TRDN: variants seen among roughly 807,000 people sequenced by gnomAD.
The protein encoded by TRDN is triadin, also known as triadin in skeletal muscle.
In TRDN, 161 loss-of-function variants were observed where a neutral mutation model predicts 149.7. The ratio of observed to expected loss-of-function variants is 1.08; its 90% CI spans 0.95 to 1.23. The LOEUF (loss-of-function observed/expected upper bound fraction) is 1.23, where lower values mean the gene tolerates loss of function less well. Among genes scored for constraint, TRDN ranks in the 50% most tolerant of loss-of-function variants. The pLI, the probability that TRDN is intolerant of heterozygous loss-of-function variation, is 0.00. For synonymous variants in TRDN, 294 were observed against 250.5 expected (o/e 1.17, Z -1.64); for missense variants, 896 against 823.5 (o/e 1.09, Z -1.08).
intron 7 of TRDN, among the ~76,000 whole-genome samples, chr6:123,508,356 A>T (rs1029576719): frequency 2.0e-5 from 3 of 152,212 alleles, no homozygotes; most frequent in African/African-American, 7.2e-5. Context: ...TAAAAAGATG[A>T]TACAAAAACT....
chr6:123,406,600 GAA>G (rs1773201117), intron 12 of TRDN, among the ~76,000 whole-genome samples: 1 of 151,780 alleles, frequency 6.6e-6, no homozygotes, highest in African/African-American at 2.4e-5. Flanking sequence ...TATATAAAAT[GAA>G]AAGCCAATAT....
In TRDN at chr6:123,266,578, G is replaced by A. The variant is rs183210313; in HGVS notation, c.1783+1129C>T. Among the ~76,000 whole-genome samples the A allele has an allele frequency of 3.1e-4, 19 of 61,510 alleles. 1 individual carries two copies. The highest frequency in any genetic ancestry group is 1.5e-4 in the Non-Finnish European group (6 of 39,870). The allele number at this position is 61,510 out of a possible 152,430, so 40.4% of individuals were successfully genotyped here. A position where few individuals can be genotyped will look rare whatever the true frequency, so the allele number is the denominator to read the frequency against. The stretch of plus-strand genomic sequence containing the variant: ...ATATATAATATATATATTATAATAT[G>A]TATTATATATAATATATATATTATA... On this transcript the variant is annotated intron_variant, in intron 32 of 40. Transcript: ENST00000334268.
intron 18 of TRDN, 132 bp downstream of exon 18, chr6:123,377,584 T>C (rs1781556387): frequency 1.9e-6 from 2 of 1,052,816 alleles, no homozygotes; most frequent in Non-Finnish European, 1.4e-6. Context: ...TGTCAAGAAC[T>C]TGGAAAAAAC....
chr6:123,557,147 C>T (rs1233026895), intron 2 of TRDN, among the ~76,000 whole-genome samples: 18 of 151,982 alleles, frequency 1.2e-4, no homozygotes, highest in Non-Finnish European at 1.3e-4. Context: ...CCCCATCTCC[C>T]TTCACTGACT....
At chr6:123,323,236 G>A (rs1779323855) in intron 23 of TRDN, among the ~76,000 whole-genome samples, 1 of 152,090 alleles carries the variant, frequency 6.6e-6, no homozygotes, top group African/African-American at 2.4e-5. Context: ...GAACCCTGGT[G>A]TGCATTATCT....
intron 23 of TRDN, among the ~76,000 whole-genome samples, chr6:123,326,568 C>T (rs554985059): frequency 3.3e-5 from 5 of 150,812 alleles, no homozygotes; most frequent in African/African-American, 1.2e-4. Context: ...TAGACATACA[C>T]CTACTATTAA....
chr6:123,497,155 C>T, intron 9 of TRDN, 38 bp downstream of exon 9: 1 of 1,461,818 alleles, frequency 6.8e-7, no homozygotes, highest in Non-Finnish European at 9.1e-7. Context: ...GAAACAAAGA[C>T]TATTAAAACA....
At chr6:123,236,856 A>G (rs1775806777) in intron 38 of TRDN, among the ~76,000 whole-genome samples, 1 of 150,900 alleles carries the variant, frequency 6.6e-6, no homozygotes, top group South Asian at 2.1e-4. Context: ...AGTAACATTT[A>G]AAATTAGGTA....
intron 12 of TRDN, among the ~76,000 whole-genome samples, chr6:123,430,095 C>T (rs910922072): frequency 5.3e-5 from 8 of 152,070 alleles, no homozygotes; most frequent in African/African-American, 1.7e-4. Flanking sequence ...CACAGTGAGA[C>T]CTCACCTCTA....
intron 1 of TRDN, among the ~76,000 whole-genome samples, chr6:123,585,703 T>C (rs60854706): frequency 0.29 from 43,560 of 151,854 alleles, 6,806 homozygotes; most frequent in East Asian, 0.54. Context: ...GGAGGAATCC[T>C]GGGCTGCAGG....
chr6:123,341,887 C>T (rs571559183), intron 21 of TRDN, among the ~76,000 whole-genome samples: 5 of 152,098 alleles, frequency 3.3e-5, no homozygotes, highest in African/African-American at 1.2e-4. Flanking sequence ...TGTGAAATAA[C>T]AGCCTTATGC....
At chr6:123,237,038 G>A (rs567203094) in intron 38 of TRDN, among the ~76,000 whole-genome samples, 1 of 152,020 alleles carries the variant, frequency 6.6e-6, no homozygotes, top group South Asian at 2.1e-4. Context: ...TATGAATATG[G>A]TATAGCTCTA....
intron 10 of TRDN, among the ~76,000 whole-genome samples, chr6:123,446,541 T>C (rs140776703): frequency 0.16 from 21,518 of 136,562 alleles, 2,276 homozygotes; most frequent in African/African-American, 0.32. Flanking sequence ...GCTGAGATTG[T>C]GCCACTGCAC....
At chr6:123,510,312 A>C (rs1034329384) in intron 7 of TRDN, 2 of 152,164 alleles carry the variant, frequency 1.3e-5, no homozygotes, top group African/African-American at 4.8e-5. Flanking sequence ...TAGTAGCTAA[A>C]CTAAATCTTA....
intron 2 of TRDN, among the ~76,000 whole-genome samples, chr6:123,554,949 T>C (rs908660422): frequency 6.6e-6 from 1 of 152,170 alleles, no homozygotes; most frequent in African/African-American, 2.4e-5. Context: ...AATGCTAATT[T>C]AATTTATTTC....
chr6:123,223,288 C>A (rs74699072), intron 39 of TRDN, among the ~76,000 whole-genome samples: 5 of 151,420 alleles, frequency 3.3e-5, no homozygotes, highest in Non-Finnish European at 5.9e-5. Context: ...GCCTACCCAA[C>A]GGTTGAGAGT....
chr6:123,240,227 A>G (rs374058485), intron 38 of TRDN, among the ~76,000 whole-genome samples: 1 of 151,972 alleles, frequency 6.6e-6, no homozygotes, highest in Non-Finnish European at 1.5e-5. Context: ...TATGTATCAG[A>G]AACTACATAA....
At chr6:123,431,376 T>G (rs995771214) in intron 12 of TRDN, among the ~76,000 whole-genome samples, 11 of 152,252 alleles carry the variant, frequency 7.2e-5, no homozygotes, top group African/African-American at 2.6e-4. Context: ...CCAATATCAC[T>G]CAAAAGTGTA....
intron 9 of TRDN, among the ~76,000 whole-genome samples, chr6:123,484,538 C>T (rs1209962791): frequency 1.3e-5 from 2 of 152,084 alleles, no homozygotes; most frequent in Non-Finnish European, 2.9e-5. Context: ...GTTTCTCATG[C>T]AGCAATTCAA....
Sources: allele counts gnomAD v4.1 joint callset (sites outside exome capture counted in the v4.1 genomes callset), GRCh38; gene constraint gnomAD v4.1.1; transcripts MANE v1.5; gene names NCBI Gene and HGNC (gene_info 2026-07-23, HGNC 2026-07-21).